Variants in UBE3D observed in about 807,000 individuals in gnomAD.
UBE3D encodes the protein E3 ubiquitin-protein ligase E3D.
UBE3D carries 48 observed loss-of-function variants against 49.6 expected under a neutral mutation model. The ratio of observed to expected loss-of-function variants is 0.97; its 90% CI spans 0.77 to 1.23. The LOEUF is 1.23. Ranked by LOEUF, UBE3D falls within the 50% of genes most tolerant of loss-of-function variation. The pLI is 0.00. For synonymous variants in UBE3D, 189 were observed against 174.2 expected, an observed-to-expected ratio of 1.08 and a Z score of -0.67; for missense variants, 452 against 468.4, an observed-to-expected ratio of 0.96 and a Z score of 0.32.
the UBE3D span, among the ~76,000 whole-genome samples, chr6:82,887,337 A>G: frequency 4.8e-4 from 69 of 142,910 alleles, no homozygotes; most frequent in African/African-American, 1.5e-3. Flanking sequence ...AAAAAAAAAA[A>G]GGGAGAGAGA....
At chr6:82,898,141 G>A (rs1258123808) in intron 9 of UBE3D, among the ~76,000 whole-genome samples, 3 of 152,146 alleles carry the variant, frequency 2.0e-5, no homozygotes. Flanking sequence ...ACCATCAAAT[G>A]CCAGTTAGAA....
chr6:82,886,641 A>G, the UBE3D span, among the ~76,000 whole-genome samples: 2 of 152,362 alleles, frequency 1.3e-5, no homozygotes, highest in East Asian at 3.9e-4. Context: ...GATACGTAGG[A>G]AATGTGTTTT....
chr6:82,941,441 G>GA (rs1202069411), intron 9 of UBE3D, among the ~76,000 whole-genome samples: 4 of 151,614 alleles, frequency 2.6e-5, no homozygotes, highest in Non-Finnish European at 5.9e-5. Context: ...AAAGTATATA[G>GA]AAAAAAAAGA....
chr6:82,892,017 A>AG (rs1452281458), downstream of UBE3D, among the ~76,000 whole-genome samples: 4 of 151,854 alleles, frequency 2.6e-5, 1 homozygote, highest in Middle Eastern at 6.8e-3. Flanking sequence ...TCCATCTCAA[A>AG]AAAAAAAAAG....
At chr6:82,912,836 A>G (rs1040662595) in intron 9 of UBE3D, among the ~76,000 whole-genome samples, 5 of 152,234 alleles carry the variant, frequency 3.3e-5, no homozygotes, top group Non-Finnish European at 5.9e-5. Context: ...AAATCAAAAT[A>G]AAACAACAAA....
rs776646948 is a variant in UBE3D, at chr6:83,022,487, G to A, written c.812C>T (p.Thr271Met). 8 of 1,604,678 alleles carry A rather than the reference G, an allele frequency of 5.0e-6. No individual in the cohort carries two copies. Among genetic ancestry groups the A allele is most frequent in the East Asian group, 2.3e-5 (1 of 44,082 alleles). The change falls in exon 7 of 10, where the codon ACG becomes ATG. Residue 271 changes from threonine to methionine, a missense_variant. Physicochemically the swap from Thr to Met is moderately conservative, Grantham distance 81 (BLOSUM62 -1). Coordinates refer to ENST00000369747, the MANE Select transcript of UBE3D (RefSeq NM_198920.3). ...LSSARSTFRFTIQGQDDKVYI... is the reference protein window; with the variant it reads ...LSSARSTFRFMIQGQDDKVYI... ...CACTTTGTCATCCTGACCTTGAATC[G>A]TGAATCTAAAAGTGCTTCTAGCAGA... is the stretch of plus-strand genomic sequence containing the variant.
intron 8 of UBE3D, among the ~76,000 whole-genome samples, chr6:83,012,779 T>C (rs1200218454): frequency 6.6e-6 from 1 of 152,224 alleles, no homozygotes; most frequent in Non-Finnish European, 1.5e-5. Flanking sequence ...ATTGCACATC[T>C]GGCCATTTCT....
At chr6:82,983,747 T>C (rs1046267963) in intron 8 of UBE3D, among the ~76,000 whole-genome samples, 1 of 152,156 alleles carries the variant, frequency 6.6e-6, no homozygotes, top group African/African-American at 2.4e-5. Flanking sequence ...CTCAGTTTAT[T>C]ACTACCACAC....
intron 9 of UBE3D, among the ~76,000 whole-genome samples, chr6:82,945,020 C>G (rs961354682): frequency 6.6e-6 from 1 of 152,238 alleles, no homozygotes; most frequent in Admixed American, 6.5e-5. Context: ...CCTGGACCCA[C>G]CCAGTGGCCG....
At chr6:82,914,846 T>G (rs546958530) in intron 9 of UBE3D, among the ~76,000 whole-genome samples, 1 of 152,198 alleles carries the variant, frequency 6.6e-6, no homozygotes, top group Non-Finnish European at 1.5e-5. Flanking sequence ...ATATGAGCGA[T>G]GAACTGAAGC....
At chr6:83,039,402 A>AT (rs1782490248) in intron 4 of UBE3D, among the ~76,000 whole-genome samples, 2 of 152,194 alleles carry the variant, frequency 1.3e-5, no homozygotes, top group South Asian at 4.1e-4. Context: ...ACATTTAAGT[A>AT]TTTTTTCTTT....
the UBE3D span, among the ~76,000 whole-genome samples, chr6:82,884,585 A>C: frequency 0.11 from 17,296 of 152,184 alleles, 1,188 homozygotes; most frequent in Middle Eastern, 0.18. Context: ...GGTTACTCAA[A>C]TATTAGATCC....
At chr6:82,936,232 T>C (rs1189876990) in intron 9 of UBE3D, among the ~76,000 whole-genome samples, 1 of 152,206 alleles carries the variant, frequency 6.6e-6, no homozygotes, top group African/African-American at 2.4e-5. Flanking sequence ...AACAAAAATG[T>C]AATATAAACA....
In UBE3D at chr6:82,898,891, C is replaced by T. The variant is rs369978294; in HGVS notation, c.1150-5849G>A. ...GGGAGGCTAGCTTCATTCATTCAAT[C>T]GTTAATTATCTCCTATGTGACACTG... On this transcript the variant is annotated intron_variant, in intron 9 of 9. Transcript: ENST00000369747. Among the ~76,000 whole-genome samples, 6 of 152,080 alleles carry T rather than the reference C, an allele frequency of 3.9e-5. No individual in the cohort carries two copies. The South Asian group carries it at 8.3e-4, about 21-fold the overall frequency.
At chr6:82,971,869 T>C (rs1437868368) in intron 8 of UBE3D, among the ~76,000 whole-genome samples, 1 of 152,222 alleles carries the variant, frequency 6.6e-6, no homozygotes, top group Admixed American at 6.5e-5. Context: ...ATAGAAGCTT[T>C]ATTTGGAGTT....
rs1410547484 is a variant in UBE3D at position 83,057,994 on chromosome 6, T to G, written c.106A>C (p.Asn36His). The change falls in exon 2 of 10, where the codon AAT (asparagine) becomes CAT (histidine). Residue 36 changes from asparagine (N) to histidine (H), a missense_variant. Coordinates refer to ENST00000369747, the MANE Select transcript of UBE3D (RefSeq NM_198920.3). ...GEPKEGGMPM[N>H]ISIMPSSLQM... ...AGTGAAGATGGCATTATGGAAATAT[T>G]CATGGGCATACCTCCTTCTTTCGGT... 2 of 1,614,180 alleles carry G rather than the reference T, an allele frequency of 1.2e-6. No homozygotes were observed. Among genetic ancestry groups the G allele is most frequent in the Non-Finnish European group, 1.7e-6 (2 of 1,180,032 alleles).
Position 82,944,888 on chromosome 6 carries a change from G to T in UBE3D, c.1149+12424C>A, listed in dbSNP as rs188560542. ...GTGAAGCTCTTCTGCCTGTGGAAAGGGGAGGGAAGAGTGGGAAGGACTGTT... is the reference window on the plus strand; with the variant it reads ...GTGAAGCTCTTCTGCCTGTGGAAAGTGGAGGGAAGAGTGGGAAGGACTGTT... On this transcript the variant is annotated intron_variant, in intron 9 of 9. Coordinates refer to ENST00000369747, the MANE Select transcript of UBE3D (RefSeq NM_198920.3). 1.0e-3 allele frequency among the ~76,000 whole-genome samples: 156 copies of T among 152,324 alleles called. 1 individual carries two copies. The highest frequency in any genetic ancestry group is 3.7e-3 in the African/African-American group (152 of 41,586).
At chr6:82,931,481 AG>A (rs1279431125) in intron 9 of UBE3D, among the ~76,000 whole-genome samples, 1 of 152,358 alleles carries the variant, frequency 6.6e-6, no homozygotes, top group Admixed American at 6.5e-5. Flanking sequence ...AGCAGCCAGG[AG>A]GGGGGCTGTA....
chr6:82,931,296 G>C (rs1488560500), intron 9 of UBE3D, among the ~76,000 whole-genome samples: 1 of 152,244 alleles, frequency 6.6e-6, no homozygotes, highest in Non-Finnish European at 1.5e-5. Context: ...TTCTGCTAGG[G>C]CAGTGTGGGA....
Sources: gnomAD v4.1 joint callset for allele counts (sites outside exome capture counted in the v4.1 genomes callset) on GRCh38, gnomAD v4.1.1 for gene constraint, MANE v1.5 for transcripts, NCBI Gene and HGNC (gene_info 2026-07-23, HGNC 2026-07-21) for gene names.